Variants in THSD7A observed in about 807,000 individuals in gnomAD.
The protein encoded by THSD7A is thrombospondin type-1 domain-containing protein 7A.
Under a neutral mutation model 231.3 loss-of-function variants are expected in THSD7A, and 96 were observed. The ratio of observed to expected loss-of-function variants is 0.41; its 90% CI spans 0.35 to 0.49. The LOEUF is 0.49. Among genes scored for constraint, THSD7A ranks in the 20% least tolerant of loss-of-function variants. The pLI, the probability that THSD7A is intolerant of heterozygous loss-of-function variation, is 0.05. For synonymous variants in THSD7A, 940 were observed against 743.3 expected (o/e 1.26, Z -4.30); for missense variants, 2,290 against 2,070.2 (o/e 1.11, Z -2.06).
intron 13 of THSD7A, among the ~76,000 whole-genome samples, chr7:11,433,675 G>A (rs1261059859): frequency 6.6e-6 from 1 of 151,990 alleles, no homozygotes; most frequent in East Asian, 1.9e-4. Flanking sequence ...GGCTTTTTTA[G>A]CTCAGTAATT....
At chr7:11,792,170 C>T (rs931048913) in intron 1 of THSD7A, among the ~76,000 whole-genome samples, 9 of 151,944 alleles carry the variant, frequency 5.9e-5, no homozygotes, top group Non-Finnish European at 1.3e-4. Context: ...ACTCTTTCAT[C>T]TCTCCATCAT....
At chr7:11,520,503 C>A (rs75239904) in intron 6 of THSD7A, among the ~76,000 whole-genome samples, 4 of 152,046 alleles carry the variant, frequency 2.6e-5, no homozygotes, top group Non-Finnish European at 4.4e-5. Flanking sequence ...CACATGCCAC[C>A]AGGATATAAA....
intron 6 of THSD7A, among the ~76,000 whole-genome samples, chr7:11,511,938 T>A (rs1583879789): frequency 6.6e-6 from 1 of 152,256 alleles, no homozygotes; most frequent in Non-Finnish European, 1.5e-5. Flanking sequence ...ACAAATGGGA[T>A]CTAATTAAAC....
chr7:11,401,474 T>C (rs1434818389), intron 23 of THSD7A, among the ~76,000 whole-genome samples: 1 of 152,210 alleles, frequency 6.6e-6, no homozygotes, highest in Non-Finnish European at 1.5e-5. Flanking sequence ...TGGAGTGCAG[T>C]GGTGCAATCT....
At chr7:11,735,372 G>C (rs146197374) in intron 1 of THSD7A, among the ~76,000 whole-genome samples, 73 of 151,980 alleles carry the variant, frequency 4.8e-4, no homozygotes, top group African/African-American at 1.7e-3. Flanking sequence ...AAAACTTTTT[G>C]AGTGCCAACA....
At chr7:11,448,188 T>C (rs1785035667) in intron 11 of THSD7A, among the ~76,000 whole-genome samples, 1 of 152,118 alleles carries the variant, frequency 6.6e-6, no homozygotes, top group Non-Finnish European at 1.5e-5. Context: ...AATCAAAGTT[T>C]AAATTCATAA....
intron 2 of THSD7A, among the ~76,000 whole-genome samples, chr7:11,608,750 A>T (rs1054874927): frequency 2.6e-5 from 4 of 152,040 alleles, no homozygotes; most frequent in African/African-American, 4.8e-5. Flanking sequence ...ATTCCCTTAG[A>T]TGAACATCCA....
chr7:11,572,522 T>C (rs1790683487), intron 4 of THSD7A, among the ~76,000 whole-genome samples: 1 of 152,158 alleles, frequency 6.6e-6, no homozygotes, highest in Non-Finnish European at 1.5e-5. Flanking sequence ...GTAGTTTCTT[T>C]TTGGGGGGAC....
intron 6 of THSD7A, among the ~76,000 whole-genome samples, chr7:11,502,543 A>C (rs1031781512): frequency 1.3e-5 from 2 of 152,212 alleles, no homozygotes; most frequent in Admixed American, 1.3e-4. Flanking sequence ...ACCCACGATT[A>C]TCTCAATAGA....
chr7:11,674,462 T>C (rs1783551162), intron 1 of THSD7A, among the ~76,000 whole-genome samples: 1 of 152,102 alleles, frequency 6.6e-6, no homozygotes, highest in African/African-American at 2.4e-5. Context: ...TGCTGGCTCT[T>C]AGTTTTAAGT....
intron 1 of THSD7A, among the ~76,000 whole-genome samples, chr7:11,643,525 T>A (rs1375475356): frequency 1.3e-5 from 2 of 152,018 alleles, no homozygotes. Flanking sequence ...GTGCTACCAA[T>A]TAATTGTTCT....
intron 1 of THSD7A, among the ~76,000 whole-genome samples, chr7:11,750,806 T>C (rs1470859230): frequency 2.6e-5 from 4 of 152,016 alleles, no homozygotes; most frequent in African/African-American, 9.7e-5. Flanking sequence ...CCTTTTGGGC[T>C]GATAGTAAAG....
chr7:11,492,631 T>C (rs957714984), intron 6 of THSD7A, among the ~76,000 whole-genome samples: 12 of 152,010 alleles, frequency 7.9e-5, no homozygotes, highest in Admixed American at 7.2e-4. Flanking sequence ...AAGGAAAACA[T>C]TTCTAAGGCA....
intron 4 of THSD7A, among the ~76,000 whole-genome samples, chr7:11,550,665 A>G (rs947617502): frequency 1.4e-4 from 21 of 152,154 alleles, no homozygotes. Context: ...GAGTCTATTA[A>G]ACCTCATTTC....
At chr7:11,730,655 T>G (rs1265870240) in intron 1 of THSD7A, among the ~76,000 whole-genome samples, 1 of 151,686 alleles carries the variant, frequency 6.6e-6, no homozygotes, top group African/African-American at 2.4e-5. Flanking sequence ...GTTATCCACC[T>G]GTATACTGAT....
chr7:11,646,890 A>T (rs911658163), intron 1 of THSD7A, among the ~76,000 whole-genome samples: 1 of 152,092 alleles, frequency 6.6e-6, no homozygotes. Flanking sequence ...GCTAAGGCAC[A>T]AAAGAATAAG....
chr7:11,770,831 A>G (rs895203034), intron 1 of THSD7A, among the ~76,000 whole-genome samples: 8 of 152,168 alleles, frequency 5.3e-5, no homozygotes, highest in African/African-American at 1.7e-4. Context: ...TTGGCTACGT[A>G]GAAGTATTTA....
intron 1 of THSD7A, among the ~76,000 whole-genome samples, chr7:11,755,132 G>T (rs1051826209): frequency 6.6e-5 from 10 of 151,994 alleles, no homozygotes; most frequent in African/African-American, 2.2e-4. Context: ...CTGGTCTCTA[G>T]GGGGCGGAGG....
At chr7:11,604,545 C>CTT (rs59580269) in intron 2 of THSD7A, among the ~76,000 whole-genome samples, 1 of 151,906 alleles carries the variant, frequency 6.6e-6, no homozygotes, top group African/African-American at 2.4e-5. Flanking sequence ...AAAAATGTTT[C>CTT]TTTTTTTCCC....
Sources: allele counts gnomAD v4.1 joint callset (sites outside exome capture counted in the v4.1 genomes callset), GRCh38; gene constraint gnomAD v4.1.1; transcripts MANE v1.5; gene names NCBI Gene and HGNC (gene_info 2026-07-23, HGNC 2026-07-21).